Variants in LGR6 observed in about 807,000 individuals in gnomAD.
LGR6 encodes leucine rich repeat containing G protein-coupled receptor 6, also known as leucine-rich repeat-containing G protein-coupled receptor 6.
In LGR6, 45 loss-of-function variants were observed where a neutral mutation model predicts 69.4. The ratio of observed to expected loss-of-function variants is 0.65; its 90% CI spans 0.51 to 0.83. LGR6 has a LOEUF of 0.83. Ranked by LOEUF, LGR6 falls within the 40% of genes least tolerant of loss-of-function variation. LGR6 has a pLI of 0.00. For missense variants in LGR6, 1,108 were observed against 1,246.7 expected (o/e 0.89, Z 1.68); for synonymous variants, 538 against 555.0 (o/e 0.97, Z 0.43).
intron 17 of LGR6, 25 bp downstream of exon 17, chr1:202,314,907 G>T (rs942153324): frequency 6.3e-7 from 1 of 1,576,318 alleles, no homozygotes; most frequent in Non-Finnish European, 8.7e-7. Flanking sequence ...GGGGAATGGG[G>T]ACGAGGGGGA....
chr1:202,284,737 G>A (rs756323681), intron 6 of LGR6, among the ~76,000 whole-genome samples: 3 of 152,208 alleles, frequency 2.0e-5, no homozygotes, highest in Non-Finnish European at 2.9e-5. Flanking sequence ...AAAAAAGGTC[G>A]AGCAAACACA....
At position 202,314,845 on chromosome 1, in the gene LGR6, A is replaced by G. The variant is rs1486228523; in HGVS notation, c.1611A>G (p.Ser537=). Residue 537 remains serine (S), a synonymous_variant, in exon 17 of 18, where the codon TCA becomes TCG. Coordinates refer to ENST00000367278, the MANE Select transcript of LGR6 (RefSeq NM_001017403.2). The part of the protein sequence containing the change: ...LDELQLEMED[S]KPHPSVQCSP... Reference sequence around the variant, plus strand: ...AGCTCCAGCTGGAGATGGAGGACTCAAAGCCACACCCCAGTGTCCAGTGTA... The same window carrying G: ...AGCTCCAGCTGGAGATGGAGGACTCGAAGCCACACCCCAGTGTCCAGTGTA... 1 of 1,614,116 alleles carries G rather than the reference A, an allele frequency of 6.2e-7. No homozygotes were observed. The highest frequency in any genetic ancestry group is 1.7e-5 in the Admixed American group (1 of 60,030).
At chr1:202,222,223 A>C (rs1660206297) in intron 1 of LGR6, among the ~76,000 whole-genome samples, 1 of 152,150 alleles carries the variant, frequency 6.6e-6, no homozygotes, top group South Asian at 2.1e-4. Context: ...GCCAGCCCTG[A>C]ATGGGGCTCC....
At chr1:202,300,989 G>A in intron 8 of LGR6, 69 bp downstream of exon 8, 2 of 1,455,744 alleles carry the variant, frequency 1.4e-6, no homozygotes, top group Non-Finnish European at 9.6e-7. Flanking sequence ...AGGATGGGAA[G>A]GCAGGAGGGA....
chr1:202,194,533 G>A lies in LGR6; in HGVS notation c.212+332G>A, dbSNP rs772852676. 11 of 620,766 alleles carry A rather than the reference G, an allele frequency of 1.8e-5. No individual in the cohort carries two copies. The East Asian group carries it at 3.8e-4, about 21-fold the overall frequency. The allele number at this position is 620,766 out of a possible 1,614,324, so 38.5% of individuals were successfully genotyped here. ...GCTGGCTGCTCCATCTCCTGTTGCT[G>A]CATTCTCTTCTAGCAGAGCAGTGCC... On this transcript the variant is annotated intron_variant, in intron 1 of 17. Coordinates refer to ENST00000367278, the MANE Select transcript of LGR6 (RefSeq NM_001017403.2).
chr1:202,201,943 A>T (rs905041178), intron 1 of LGR6, among the ~76,000 whole-genome samples: 9 of 152,132 alleles, frequency 5.9e-5, no homozygotes, highest in Admixed American at 1.3e-4. Context: ...CAGGGTGATG[A>T]CTGTCAGTGA....
intron 6 of LGR6, among the ~76,000 whole-genome samples, chr1:202,287,059 G>C (rs961785477): frequency 1.3e-5 from 2 of 152,144 alleles, no homozygotes; most frequent in African/African-American, 2.4e-5. Context: ...TGGGAAGCTT[G>C]GCCCACAGGT....
At position 202,318,934 on chromosome 1, in the gene LGR6, T is replaced by A. The variant is rs144407512; in HGVS notation, c.2631T>A (p.Asp877Glu). The A allele has an allele frequency of 6.1e-5, 99 of 1,613,862 alleles. 1 individual carries two copies. In the Admixed American group the frequency reaches 8.2e-4, roughly 13 times the overall value. The change falls in exon 18 of 18, where the codon GAT (aspartate) becomes GAA (glutamate). Residue 877 changes from aspartate to glutamate, a missense_variant. By Grantham distance (45) the Asp-to-Glu change is conservative (BLOSUM62 2). Coordinates refer to ENST00000367278, the MANE Select transcript of LGR6 (RefSeq NM_001017403.2). ...TQALVAFSDV[D>E]LILEASEAGR... ...CCCTGGTAGCCTTCTCTGATGTGGA[T>A]CTCATTCTGGAAGCTTCTGAAGCTG...
Position 202,318,328 on chromosome 1 carries a change from G to A in LGR6, c.2025G>A (p.Arg675=), listed in dbSNP as rs750533573. The A allele has an allele frequency of 6.3e-7, 1 of 1,595,254 alleles. No homozygotes were observed. Among genetic ancestry groups the A allele is most frequent in the South Asian group, 1.1e-5 (1 of 87,626 alleles). The stretch of plus-strand genomic sequence containing the variant: ...GCAGCGTCTCCGTCTCCTGTGTCCG[G>A]GCCTATGGGAAGTCCCCCTCCCTGG... The part of the protein sequence containing the change: ...VQCSVSVSCV[R]AYGKSPSLGS... Residue 675 remains arginine (R), a synonymous_variant, in exon 18 of 18, where the codon CGG becomes CGA. Transcript: ENST00000367278.
At chr1:202,273,300 A>G (rs1646802353) in intron 4 of LGR6, among the ~76,000 whole-genome samples, 1 of 152,144 alleles carries the variant, frequency 6.6e-6, no homozygotes, top group African/African-American at 2.4e-5. Context: ...AGAAGGAGGT[A>G]CTGCCCCTCT....
intron 4 of LGR6, among the ~76,000 whole-genome samples, chr1:202,237,857 G>T (rs770857085): frequency 6.6e-6 from 1 of 152,040 alleles, no homozygotes; most frequent in African/African-American, 2.4e-5. Context: ...GGCTCTGATC[G>T]TGACTACTGT....
chr1:202,239,758 C>G (rs1662010366), intron 4 of LGR6, among the ~76,000 whole-genome samples: 1 of 152,176 alleles, frequency 6.6e-6, no homozygotes, highest in African/African-American at 2.4e-5. Flanking sequence ...GGGTTCACCT[C>G]TCAGCTTCTT....
rs193063354 is a variant in LGR6, at chr1:202,304,728, C to T, written c.1070+98C>T. The T allele has an allele frequency of 4.2e-6, 4 of 959,790 alleles. No individual in the cohort carries two copies. In the East Asian group the frequency reaches 1.0e-4, roughly 24 times the overall value. The allele number at this position is 959,790 out of a possible 1,614,324, so 59.5% of individuals were successfully genotyped here. A position where few individuals can be genotyped will look rare whatever the true frequency, so the allele number is the denominator to read the frequency against. On this transcript the variant is annotated intron_variant, in intron 11 of 17. Coordinates refer to ENST00000367278, the MANE Select transcript of LGR6 (RefSeq NM_001017403.2). ...GCTTCTGTCCCACTTGGTCATTTCC[C>T]TTCCTGGAGAATGGAGCAGCATAGG...
chr1:202,292,904 A>G (rs538002933), intron 6 of LGR6, among the ~76,000 whole-genome samples: 1 of 152,252 alleles, frequency 6.6e-6, no homozygotes, highest in African/African-American at 2.4e-5. Context: ...CAGTGCAGCT[A>G]TGGAGAAAAG....
intron 1 of LGR6, among the ~76,000 whole-genome samples, chr1:202,205,448 A>G (rs1571809587): frequency 8.7e-6 from 1 of 115,118 alleles, no homozygotes; most frequent in East Asian, 2.5e-4. Flanking sequence ...TCCTTCAAAC[A>G]CACACACACC....
intron 1 of LGR6, among the ~76,000 whole-genome samples, chr1:202,222,097 G>C (rs543776137): frequency 2.0e-5 from 3 of 152,352 alleles, no homozygotes; most frequent in Non-Finnish European, 2.9e-5. Flanking sequence ...GGTGGCATTG[G>C]CTTGGTGGCT....
intron 1 of LGR6, among the ~76,000 whole-genome samples, chr1:202,204,689 ACC>A (rs149902160): frequency 2.4e-4 from 9 of 37,830 alleles, no homozygotes; most frequent in East Asian, 9.5e-4. Flanking sequence ...ACACACACAC[ACC>A]CCCAAACACA....
At position 202,303,657 on chromosome 1, in the gene LGR6, G is replaced by A. The variant is rs187892447; in HGVS notation, c.998+310G>A. Among the ~76,000 whole-genome samples, 4 of 152,340 alleles carry A rather than the reference G, an allele frequency of 2.6e-5. No individual in the cohort carries two copies. In the East Asian group the frequency reaches 7.7e-4, roughly 29 times the overall value. On this transcript the variant is annotated intron_variant, in intron 10 of 17. Transcript: ENST00000367278. Reference sequence around the variant, plus strand: ...TGAGGGTTGAAGTGATGGAGAGGAGGGTTGTGAAAACCCGTCTTTGCCTTT... The same window carrying A: ...TGAGGGTTGAAGTGATGGAGAGGAGAGTTGTGAAAACCCGTCTTTGCCTTT...
chr1:202,200,918 C>T (rs959998599), intron 1 of LGR6, among the ~76,000 whole-genome samples: 1 of 152,148 alleles, frequency 6.6e-6, no homozygotes, highest in Non-Finnish European at 1.5e-5. Flanking sequence ...CGGCGGCTGG[C>T]GGGTTGGAGG....
Sources: allele counts gnomAD v4.1 joint callset (sites outside exome capture counted in the v4.1 genomes callset), GRCh38; gene constraint gnomAD v4.1.1; transcripts MANE v1.5; gene names NCBI Gene and HGNC (gene_info 2026-07-23, HGNC 2026-07-21).